SCMH1: variants seen among roughly 807,000 people sequenced by gnomAD.
The protein encoded by SCMH1 is polycomb protein SCMH1.
Under a neutral mutation model 70.8 loss-of-function variants are expected in SCMH1, and 37 were observed. That is an observed-to-expected ratio of 0.52 (90% CI 0.40 to 0.69). The LOEUF is 0.69. SCMH1 is among the 30% of genes least tolerant of loss of function. The pLI is 0.00. For missense variants in SCMH1, 607 were observed against 827.3 expected (o/e 0.73, Z 3.27); for synonymous variants, 292 against 307.4 (o/e 0.95, Z 0.52).
chr1:41,095,807 GTT>G (rs1664909957), intron 8 of SCMH1, among the ~76,000 whole-genome samples: 2 of 152,066 alleles, frequency 1.3e-5, no homozygotes, highest in Non-Finnish European at 2.9e-5. Flanking sequence ...GCTTAAGTAA[GTT>G]TATCATATCA....
At chr1:41,083,741 G>A (rs1356614957) in intron 8 of SCMH1, among the ~76,000 whole-genome samples, 1 of 152,280 alleles carries the variant, frequency 6.6e-6, no homozygotes, top group Non-Finnish European at 1.5e-5. Flanking sequence ...CAAGGCTACA[G>A]TAACCAAAAC....
At chr1:41,203,905 G>A (rs1430682771) in intron 1 of SCMH1, among the ~76,000 whole-genome samples, 1 of 152,168 alleles carries the variant, frequency 6.6e-6, no homozygotes, top group Non-Finnish European at 1.5e-5. Context: ...GGGGCTCTCA[G>A]CTCTGAAGGC....
chr1:41,123,238 C>T (rs1672379900), intron 6 of SCMH1, among the ~76,000 whole-genome samples: 1 of 152,118 alleles, frequency 6.6e-6, no homozygotes, highest in Non-Finnish European at 1.5e-5. Flanking sequence ...TACATACATA[C>T]ATGTGGAGCA....
chr1:41,038,130 G>C (rs1645569943), intron 12 of SCMH1: 1 of 152,338 alleles, frequency 6.6e-6, no homozygotes, highest in Non-Finnish European at 1.5e-5. Context: ...CTGCCACTCA[G>C]CAGAGTGCTT....
At chr1:41,136,261 G>A (rs142895291) in intron 6 of SCMH1, among the ~76,000 whole-genome samples, 153 of 151,902 alleles carry the variant, frequency 1.0e-3, no homozygotes, top group East Asian at 6.4e-3. Context: ...TTCTATATCT[G>A]TTTAAATATT....
chr1:41,156,280 C>T (rs960160545), intron 4 of SCMH1, among the ~76,000 whole-genome samples: 1 of 152,160 alleles, frequency 6.6e-6, no homozygotes, highest in Non-Finnish European at 1.5e-5. Flanking sequence ...TTTGTTCAAC[C>T]TAAATGTGAA....
At chr1:41,110,339 A>G (rs752705256) in intron 8 of SCMH1, among the ~76,000 whole-genome samples, 10 of 152,136 alleles carry the variant, frequency 6.6e-5, no homozygotes, top group Non-Finnish European at 1.3e-4. Context: ...CATACCACAA[A>G]TTCACCCTAC....
intron 1 of SCMH1, among the ~76,000 whole-genome samples, chr1:41,231,552 G>A (rs1249397015): frequency 6.6e-6 from 1 of 152,048 alleles, no homozygotes; most frequent in Non-Finnish European, 1.5e-5. Flanking sequence ...ATTAACTAAA[G>A]TCCACACTTT....
At chr1:41,056,448 T>C (rs929377652) in intron 10 of SCMH1, among the ~76,000 whole-genome samples, 3 of 149,800 alleles carry the variant, frequency 2.0e-5, no homozygotes, top group African/African-American at 4.8e-5. Context: ...TATTTGTGTA[T>C]ACTGTCATTT....
chr1:41,160,835 A>G (rs1398139405), intron 4 of SCMH1, 40 bp downstream of exon 4: 1 of 1,535,132 alleles, frequency 6.5e-7, no homozygotes, highest in Admixed American at 2.0e-5. Flanking sequence ...TGGTTTACCA[A>G]TTCCCCTTAT....
chr1:41,073,166 T>C (rs1657107720), intron 9 of SCMH1, among the ~76,000 whole-genome samples: 1 of 152,170 alleles, frequency 6.6e-6, no homozygotes, highest in Non-Finnish European at 1.5e-5. Flanking sequence ...ATACTTCTAA[T>C]TCCCTCTCCC....
At chr1:41,047,966 G>A (rs541917127) in intron 11 of SCMH1, among the ~76,000 whole-genome samples, 1 of 152,238 alleles carries the variant, frequency 6.6e-6, no homozygotes, top group South Asian at 2.1e-4. Context: ...AATACAGTCT[G>A]GTTATTTATG....
At chr1:41,183,036 G>A (rs1021894186) in intron 2 of SCMH1, among the ~76,000 whole-genome samples, 7 of 152,024 alleles carry the variant, frequency 4.6e-5, no homozygotes, top group Non-Finnish European at 1.0e-4. Flanking sequence ...TAATACATAG[G>A]TACTATTTAA....
intron 1 of SCMH1, among the ~76,000 whole-genome samples, chr1:41,203,445 T>G (rs953217721): frequency 6.6e-6 from 1 of 152,218 alleles, no homozygotes; most frequent in Non-Finnish European, 1.5e-5. Context: ...AATATAAAAT[T>G]AAACATCTAT....
chr1:41,180,645 G>A (rs1423240576), intron 2 of SCMH1, among the ~76,000 whole-genome samples: 1 of 152,176 alleles, frequency 6.6e-6, no homozygotes, highest in Non-Finnish European at 1.5e-5. Flanking sequence ...TACAAGGGAC[G>A]TGAAGGAGCT....
chr1:41,092,337 T>C (rs1663813593), intron 8 of SCMH1, among the ~76,000 whole-genome samples: 2 of 152,224 alleles, frequency 1.3e-5, no homozygotes, highest in South Asian at 4.1e-4. Flanking sequence ...AAGCTGAAAC[T>C]GGATCCCTTC....
chr1:41,161,880 C>T (rs767568850), intron 2 of SCMH1, among the ~76,000 whole-genome samples: 1 of 152,224 alleles, frequency 6.6e-6, no homozygotes, highest in Non-Finnish European at 1.5e-5. Flanking sequence ...GCTAAGGTCC[C>T]CACTCCGCAG....
At chr1:41,204,327 A>G (rs1655020903) in intron 1 of SCMH1, among the ~76,000 whole-genome samples, 1 of 152,034 alleles carries the variant, frequency 6.6e-6, no homozygotes, top group Admixed American at 6.6e-5. Context: ...TCCCTATATG[A>G]TCCTGTCCTG....
intron 2 of SCMH1, among the ~76,000 whole-genome samples, chr1:41,177,125 A>G (rs1647213586): frequency 6.6e-6 from 1 of 152,250 alleles, no homozygotes; most frequent in African/African-American, 2.4e-5. Flanking sequence ...TACCCAGGCA[A>G]ACAGGGTCTG....
Sources: gnomAD v4.1 joint callset for allele counts (sites outside exome capture counted in the v4.1 genomes callset) on GRCh38, gnomAD v4.1.1 for gene constraint, MANE v1.5 for transcripts, NCBI Gene and HGNC (gene_info 2026-07-23, HGNC 2026-07-21) for gene names.